PLIN2: variants seen among roughly 807,000 people sequenced by gnomAD.
The protein encoded by PLIN2 is perilipin 2.
PLIN2 carries 33 observed loss-of-function variants against 30.6 expected under a neutral mutation model. The observed-to-expected ratio is 1.08, with a 90% confidence interval of 0.82 to 1.44. The LOEUF (loss-of-function observed/expected upper bound fraction) is 1.44. PLIN2 is among the 40% of genes most tolerant of loss of function. The pLI is 0.00. For synonymous variants in PLIN2, 205 were observed against 201.1 expected, an observed-to-expected ratio of 1.02 and a Z score of -0.16; for missense variants, 610 against 531.8, an observed-to-expected ratio of 1.15 and a Z score of -1.45.
chr9:19,118,568 T>C lies in PLIN2; in HGVS notation c.778-113A>G, dbSNP rs927229583. The C allele has an allele frequency of 3.4e-6, 3 of 884,632 alleles. No individual in the cohort carries two copies. In the African/African-American group the frequency reaches 5.1e-5, roughly 15 times the overall value. The allele number at this position is 884,632 out of a possible 1,614,324, so 54.8% of individuals were successfully genotyped here. ...ATAAAAACTAAGAATTTCCTGGAGT[T>C]GAATAAGATCTATTCCTGCTATCAT... On this transcript the variant is annotated intron_variant, in intron 6 of 7. Coordinates refer to ENST00000276914, the MANE Select transcript of PLIN2 (RefSeq NM_001122.4).
intron 5 of PLIN2, among the ~76,000 whole-genome samples, chr9:19,120,374 A>G (rs1271321610): frequency 1.3e-5 from 2 of 152,166 alleles, no homozygotes; most frequent in African/African-American, 4.8e-5. Context: ...CTTGAGCGGC[A>G]TGGTACCTGG....
At chr9:19,109,293 G>A (rs1379349271) in intron 2 of PLIN2, among the ~76,000 whole-genome samples, 8 of 152,084 alleles carry the variant, frequency 5.3e-5, no homozygotes, top group Non-Finnish European at 8.8e-5. Flanking sequence ...AGTGGCTCAC[G>A]CCTGTAATCC....
In PLIN2 at chr9:19,120,964, G is replaced by A. The variant is rs1818304789; in HGVS notation, c.511C>T (p.Leu171Phe). The A allele has an allele frequency of 6.2e-7, 1 of 1,613,986 alleles. No individual in the cohort carries two copies. Among genetic ancestry groups the A allele is most frequent in the Non-Finnish European group, 8.5e-7 (1 of 1,179,964 alleles). Residue 171 changes from leucine (L) to phenylalanine (F), a missense_variant, in exon 5 of 8, where the codon CTC becomes TTC. Leu to Phe is a conservative substitution (Grantham distance 22). Transcript: ENST00000276914. ...GCATTTTCTACGCCACTGCTCACGA[G>A]CTGCATCATCCGACTCCCCAAGACT... Reference protein sequence around the residue: ...NTVLGSRMMQLVSSGVENALT... With the variant: ...NTVLGSRMMQFVSSGVENALT...
intron 4 of PLIN2, chr9:19,123,221 C>T: frequency 1.2e-6 from 1 of 807,798 alleles, no homozygotes; most frequent in Non-Finnish European, 1.9e-6. Flanking sequence ...TTGTACAAGC[C>T]AGGTGAGAAA....
downstream of PLIN2, among the ~76,000 whole-genome samples, chr9:19,112,016 T>C (rs936506729): frequency 4.6e-5 from 7 of 152,204 alleles, no homozygotes; most frequent in African/African-American, 1.7e-4. Context: ...TACATGTCAC[T>C]GTCCCACAGA....
chr9:19,109,899 T>C (rs34911320), intron 2 of PLIN2, among the ~76,000 whole-genome samples: 42,557 of 150,824 alleles, frequency 0.28, 7,340 homozygotes, highest in Non-Finnish European at 0.37. Context: ...GAGGTTGCAG[T>C]GAGCCAAGAT....
chr9:19,115,453 A>G (rs968661123), downstream of PLIN2, among the ~76,000 whole-genome samples: 11 of 151,564 alleles, frequency 7.3e-5, no homozygotes, highest in Admixed American at 2.6e-4. Context: ...GACTACAGGC[A>G]CCCGCCACCG....
intron 3 of PLIN2, among the ~76,000 whole-genome samples, chr9:19,123,905 G>C (rs1417627535): frequency 6.6e-6 from 1 of 151,586 alleles, no homozygotes; most frequent in African/African-American, 2.4e-5. Flanking sequence ...TGTAGTCCCA[G>C]CTACTCAGGA....
At chr9:19,121,860 G>A (rs1818322826) in intron 4 of PLIN2, among the ~76,000 whole-genome samples, 1 of 152,204 alleles carries the variant, frequency 6.6e-6, no homozygotes, top group Non-Finnish European at 1.5e-5. Context: ...GAACCCCAGA[G>A]GTGGAGGTTG....
chr9:19,115,193 G>T (rs1325482502), downstream of PLIN2, among the ~76,000 whole-genome samples: 1 of 152,118 alleles, frequency 6.6e-6, no homozygotes, highest in African/African-American at 2.4e-5. Context: ...CAAACAAAGA[G>T]GGCCAACTGT....
chr9:19,118,380 A>G lies in PLIN2; in HGVS notation c.853T>C (p.Trp285Arg), dbSNP rs1330120190. The G allele has an allele frequency of 6.2e-7, 1 of 1,609,112 alleles. No homozygotes were observed. Among genetic ancestry groups the G allele is most frequent in the Non-Finnish European group, 8.5e-7 (1 of 1,175,476 alleles). ...CCAATGCTCCTTTTCCACTCTACCC[A>G]TGAGAGGTAGAGCTTATCCTGAGCA... ...QDAQDKLYLSWVEWKRSIGYD... is the reference protein window; with the variant it reads ...QDAQDKLYLSRVEWKRSIGYD... The change falls in exon 7 of 8, where the codon TGG (tryptophan) becomes CGG (arginine). Residue 285 changes from tryptophan to arginine, a missense_variant. Trp to Arg is a moderately radical substitution (Grantham distance 101). Transcript: ENST00000276914.
chr9:19,111,809 T>C (rs1588639634), downstream of PLIN2, among the ~76,000 whole-genome samples: 1 of 152,238 alleles, frequency 6.6e-6, no homozygotes. Flanking sequence ...TTGTTTTTTT[T>C]CCGCAGCCTT....
In PLIN2 at chr9:19,116,404, A is replaced by G; in HGVS notation, c.1158T>C (p.Asp386=). ...TGTTAACAAGATAATCCATCACGTC[A>G]TCTAAAGATTCCTTCATTTTCTGCA... ...GQLQKMKESL[D]DVMDYLVNNT... The change falls in exon 8 of 8, where the codon GAT becomes GAC. Residue 386 remains aspartate, a synonymous_variant. Transcript: ENST00000276914. The G allele has an allele frequency of 6.2e-7, 1 of 1,614,238 alleles. No homozygotes were observed. The highest frequency in any genetic ancestry group is 1.1e-5 in the South Asian group (1 of 91,090).
chr9:19,110,097 G>A (rs894668720), intron 2 of PLIN2, among the ~76,000 whole-genome samples: 3 of 151,624 alleles, frequency 2.0e-5, no homozygotes, highest in Non-Finnish European at 2.9e-5. Flanking sequence ...AATCTCAGCT[G>A]TCTGCAACCT....
downstream of PLIN2, among the ~76,000 whole-genome samples, chr9:19,111,785 T>C (rs908118240): frequency 2.0e-5 from 3 of 152,056 alleles, no homozygotes; most frequent in Admixed American, 2.0e-4. Context: ...GCTTTTTCCT[T>C]TTCACTTCAT....
intron 5 of PLIN2, 136 bp from the exon 6 acceptor site, chr9:19,119,967 T>A (rs1252253749): frequency 3.4e-6 from 2 of 581,600 alleles, no homozygotes; most frequent in Non-Finnish European, 6.1e-6. Context: ...TTTCCAAGAC[T>A]GCTCACGTCT....
At chr9:19,120,857 T>C (rs1406175895) in intron 5 of PLIN2, 23 bp downstream of exon 5, 1 of 1,576,350 alleles carries the variant, frequency 6.3e-7, no homozygotes, top group East Asian at 2.2e-5. Flanking sequence ...TAAAACAGTA[T>C]TTCAAGATAA....
At chr9:19,114,794 C>T (rs1818198405), downstream of PLIN2, among the ~76,000 whole-genome samples, 1 of 152,178 alleles carries the variant, frequency 6.6e-6, no homozygotes, top group South Asian at 2.1e-4. Context: ...CCTAAATAAC[C>T]AATGTTGAAT....
chr9:19,118,069 A>T (rs1818258109), intron 7 of PLIN2, among the ~76,000 whole-genome samples: 1 of 152,188 alleles, frequency 6.6e-6, no homozygotes, highest in African/African-American at 2.4e-5. Context: ...TGTACCCATT[A>T]TGAGGGCAAG....
Sources: allele counts gnomAD v4.1 joint callset (sites outside exome capture counted in the v4.1 genomes callset), GRCh38; gene constraint gnomAD v4.1.1; transcripts MANE v1.5; gene names NCBI Gene and HGNC (gene_info 2026-07-23, HGNC 2026-07-21).